The following CALN1 variants were observed in gnomAD, a reference collection of about 807,000 sequenced individuals.
CALN1 encodes calcium-binding protein 8.
Under a neutral mutation model 30.6 loss-of-function variants are expected in CALN1, and 17 were observed. That is an observed-to-expected ratio of 0.56 (90% CI 0.38 to 0.83). The LOEUF (loss-of-function observed/expected upper bound fraction) is 0.83, where lower values mean the gene tolerates loss of function less well. CALN1 is among the 40% of genes least tolerant of loss of function. The probability of loss-of-function intolerance (pLI) is 0.00; values close to 1 mark genes in which losing one functional copy is unlikely to be tolerated. For missense variants in CALN1, 291 were observed against 354.9 expected, an observed-to-expected ratio of 0.82 and a Z score of 1.45; for synonymous variants, 156 against 131.4, an observed-to-expected ratio of 1.19 and a Z score of -1.28.
At position 72,095,330 on chromosome 7, in the gene CALN1, T is replaced by C. The variant is rs758061213; in HGVS notation, c.388+10821A>G. Among the ~76,000 whole-genome samples, 15 of 152,310 alleles carry C rather than the reference T, an allele frequency of 9.8e-5. 1 individual carries two copies. The highest frequency in any genetic ancestry group is 7.2e-4 in the Admixed American group (11 of 15,300). ...GTATTATTGTTATCCAGGGTTATTA[T>C]TGGGGTCCTGGTGAGCATTACACAA... On this transcript the variant is annotated intron_variant, in intron 4 of 6. Transcript: ENST00000395275.
At chr7:71,974,598 G>A (rs1257418689) in intron 5 of CALN1, among the ~76,000 whole-genome samples, 1 of 152,002 alleles carries the variant, frequency 6.6e-6, no homozygotes, top group Non-Finnish European at 1.5e-5. Context: ...GAAGATTCTG[G>A]GCAGAAAGCA....
chr7:72,175,078 AT>A lies in CALN1; in HGVS notation c.245-68785del, dbSNP rs1047400362. Among the ~76,000 whole-genome samples, 205 of 145,452 alleles carry A rather than the reference AT, an allele frequency of 1.4e-3. 1 individual carries two copies. In the Middle Eastern group the frequency reaches 0.015, roughly 11 times the overall value. Reference sequence around the variant, plus strand: ...TGTAAACTATACCTCAATATAATCAATTTTTTTTTTTTTGAGACAGAGTCTC... The same window carrying A: ...TGTAAACTATACCTCAATATAATCAATTTTTTTTTTTTGAGACAGAGTCTC... On this transcript the variant is annotated intron_variant, in intron 3 of 6. Transcript: ENST00000395275.
intron 4 of CALN1, among the ~76,000 whole-genome samples, chr7:72,058,236 G>C (rs1803400484): frequency 6.7e-6 from 1 of 150,236 alleles, no homozygotes; most frequent in Admixed American, 6.7e-5. Context: ...AAATTAACTT[G>C]CTTGAGTAAA....
chr7:71,989,483 AGGAATTTCCAC>A lies in CALN1; in HGVS notation c.501+34163_501+34173del, dbSNP rs1798839802. ...GATGATCACAAGGCCAATATCTGGG[AGGAATTTCCAC>A]TAATTCAGCTATGTGTCTAATTCAG... On this transcript the variant is annotated intron_variant, in intron 5 of 6. Coordinates refer to ENST00000395275, the MANE Select transcript of CALN1 (RefSeq NM_031468.4). Among the ~76,000 whole-genome samples, 5 of 151,808 alleles carry A rather than the reference AGGAATTTCCAC, an allele frequency of 3.3e-5. No individual in the cohort carries two copies. The South Asian group carries it at 1.0e-3, about 32-fold the overall frequency.
intron 3 of CALN1, among the ~76,000 whole-genome samples, chr7:72,204,784 G>A (rs1033215366): frequency 6.6e-6 from 1 of 152,094 alleles, no homozygotes; most frequent in African/African-American, 2.4e-5. Flanking sequence ...CCAGTTCTTT[G>A]CTACAGTGTA....
intron 3 of CALN1, among the ~76,000 whole-genome samples, chr7:72,202,912 A>C (rs557857030): frequency 3.3e-5 from 5 of 152,228 alleles, no homozygotes; most frequent in Non-Finnish European, 7.3e-5. Context: ...CACTATTTAC[A>C]ATAGCAAAGA....
chr7:72,409,631 A>ACTGGGAGCAAGATTGAG (rs931236821), intron 1 of CALN1, among the ~76,000 whole-genome samples: 11 of 152,070 alleles, frequency 7.2e-5, no homozygotes, highest in African/African-American at 2.4e-4. Context: ...AATTCCAATC[A>ACTGGGAGCAAGATTGAG]CTGGGAGCAA....
At chr7:71,791,146 C>G (rs1164701449) in intron 6 of CALN1, among the ~76,000 whole-genome samples, 1 of 152,114 alleles carries the variant, frequency 6.6e-6, no homozygotes, top group Non-Finnish European at 1.5e-5. Context: ...GTCCCAAGGG[C>G]TTGTCAAAGG....
At chr7:72,116,559 G>C (rs1488198478) in intron 3 of CALN1, among the ~76,000 whole-genome samples, 1 of 152,170 alleles carries the variant, frequency 6.6e-6, no homozygotes, top group Non-Finnish European at 1.5e-5. Context: ...GGACTGAGCT[G>C]GGGCTTTGGG....
In CALN1 at chr7:72,115,258, G is replaced by A. The variant is rs189167946; in HGVS notation, c.245-8964C>T. On this transcript the variant is annotated intron_variant, in intron 3 of 6. Coordinates refer to ENST00000395275, the MANE Select transcript of CALN1 (RefSeq NM_031468.4). ...TATACAGTGTATAATAATAACATGGGCCACAGGAACAAGCCACTTAGATGG... is the reference window on the plus strand; with the variant it reads ...TATACAGTGTATAATAATAACATGGACCACAGGAACAAGCCACTTAGATGG... Among the ~76,000 whole-genome samples the A allele has an allele frequency of 7.0e-3, 1,014 of 144,710 alleles. 5 individuals carry two copies. Among genetic ancestry groups the A allele is most frequent in the Non-Finnish European group, 0.011 (728 of 66,142 alleles). 94.9% of individuals were successfully genotyped at this position (144,710 alleles called of 152,430 possible). A position where few individuals can be genotyped will look rare whatever the true frequency, so the allele number is the denominator to read the frequency against.
chr7:72,497,179 C>T, the CALN1 span, among the ~76,000 whole-genome samples: 31 of 152,330 alleles, frequency 2.0e-4, 1 homozygote, highest in South Asian at 6.4e-3. Flanking sequence ...GTGGCTCATG[C>T]CTGTAATCCT....
chr7:71,937,321 A>C (rs1375523900), intron 5 of CALN1, among the ~76,000 whole-genome samples: 6 of 151,970 alleles, frequency 3.9e-5, no homozygotes, highest in Non-Finnish European at 8.8e-5. Flanking sequence ...AAAACAAAAC[A>C]ACACCAAAAA....
At chr7:72,106,446 G>A (rs191746063) in intron 3 of CALN1, 152 bp from the exon 4 acceptor site, 2 of 744,492 alleles carry the variant, frequency 2.7e-6, no homozygotes, top group South Asian at 9.4e-5. Context: ...GACAGAAGAA[G>A]AACAGAAGAA....
chr7:72,425,392 G>C (rs1471183751), intron 1 of CALN1, among the ~76,000 whole-genome samples: 1 of 152,188 alleles, frequency 6.6e-6, no homozygotes, highest in Admixed American at 6.5e-5. Flanking sequence ...GGGATTACAG[G>C]CATGAGCCAC....
intron 3 of CALN1, among the ~76,000 whole-genome samples, chr7:72,153,230 G>A (rs529438206): frequency 6.6e-6 from 1 of 152,290 alleles, no homozygotes; most frequent in East Asian, 1.9e-4. Flanking sequence ...ATTACAGCAA[G>A]ATCACACCTA....
chr7:72,065,641 G>A (rs1221185705), intron 4 of CALN1, among the ~76,000 whole-genome samples: 2 of 152,154 alleles, frequency 1.3e-5, no homozygotes, highest in East Asian at 3.9e-4. Context: ...TCAAGGTGAG[G>A]AAAGCAGGAC....
chr7:72,256,119 G>T lies in CALN1; in HGVS notation c.244+22567C>A, dbSNP rs117958829. On this transcript the variant is annotated intron_variant, in intron 3 of 6. Coordinates refer to ENST00000395275, the MANE Select transcript of CALN1 (RefSeq NM_031468.4). The stretch of plus-strand genomic sequence containing the variant: ...TGGGGACATTATTAGTGTCCTATTA[G>T]ATGGGGGCTTTTTTGCCCCTACACT... Among the ~76,000 whole-genome samples, 1,226 of 152,290 alleles carry T rather than the reference G, an allele frequency of 8.1e-3. 7 individuals carry two copies. The highest frequency in any genetic ancestry group is 0.014 in the Middle Eastern group (4 of 294).
chr7:71,828,759 GTT>G (rs199959655), intron 5 of CALN1, among the ~76,000 whole-genome samples: 1 of 150,358 alleles, frequency 6.7e-6, no homozygotes, highest in Non-Finnish European at 1.5e-5. Flanking sequence ...GGTTTTGTGT[GTT>G]TTTTTGAGAC....
At chr7:72,054,458 C>CATATATACACAT (rs1256251777) in intron 4 of CALN1, among the ~76,000 whole-genome samples, 1 of 129,074 alleles carries the variant, frequency 7.7e-6, no homozygotes, top group Non-Finnish European at 1.6e-5. Context: ...CATATATATA[C>CATATATACACAT]ATATATATAC....
Sources: gnomAD v4.1 joint callset for allele counts (sites outside exome capture counted in the v4.1 genomes callset) on GRCh38, gnomAD v4.1.1 for gene constraint, MANE v1.5 for transcripts, NCBI Gene and HGNC (gene_info 2026-07-23, HGNC 2026-07-21) for gene names.